Variants in ADRA1B observed in about 807,000 individuals in gnomAD.
ADRA1B encodes alpha-1B adrenergic receptor.
In ADRA1B, 17 loss-of-function variants were observed where a neutral mutation model predicts 17.9. The observed-to-expected ratio is 0.95, with a 90% CI of 0.65 to 1.42. The LOEUF is 1.42. Ranked by LOEUF, ADRA1B falls within the 40% of genes most tolerant of loss-of-function variation. The pLI is 0.00. For missense variants in ADRA1B, 681 were observed against 722.1 expected, an observed-to-expected ratio of 0.94 and a Z score of 0.65; for synonymous variants, 366 against 327.6, an observed-to-expected ratio of 1.12 and a Z score of -1.27.
Position 159,892,075 on chromosome 5 carries a change from A to G in ADRA1B, c.-255-24044A>G, listed in dbSNP as rs910532659. 8.5e-5 allele frequency among the ~76,000 whole-genome samples: 13 copies of G among 152,292 alleles called. No individual in the cohort carries two copies. The East Asian group carries it at 2.1e-3, about 25-fold the overall frequency. ...AACATGGTGAAACCCCACCTCTACT[A>G]AAAATACAAAAATTAGCTGGGCGTG... is the stretch of plus-strand genomic sequence containing the variant. On this transcript the variant is annotated intron_variant, in intron 1 of 2. Coordinates refer to the ADRA1B transcript ENST00000641205.
chr5:159,917,959 G>C lies in ADRA1B; in HGVS notation c.949+105G>C, dbSNP rs1299361071. 4 of 995,052 alleles carry C rather than the reference G, an allele frequency of 4.0e-6. No homozygotes were observed. The Admixed American group carries it at 9.4e-5, about 23-fold the overall frequency. 61.6% of individuals were successfully genotyped at this position (995,052 alleles called of 1,614,324 possible). A position where few individuals can be genotyped will look rare whatever the true frequency, so the allele number is the denominator to read the frequency against. On this transcript the variant is annotated intron_variant, in intron 1 of 1. Transcript: ENST00000306675. ...GTGGGTTTTGTTTCTTATGCAGTCT[G>C]TGCGTGTTCGGAGATTGAATAATAT... is the stretch of plus-strand genomic sequence containing the variant.
At chr5:159,888,895 C>A (rs902591183) in intron 1 of ADRA1B, among the ~76,000 whole-genome samples, 2 of 152,210 alleles carry the variant, frequency 1.3e-5, no homozygotes, top group Non-Finnish European at 1.5e-5. Flanking sequence ...TTACATGAAG[C>A]TATTACACTT....
At chr5:159,923,131 C>T (rs1754535630) in intron 1 of ADRA1B, among the ~76,000 whole-genome samples, 1 of 152,200 alleles carries the variant, frequency 6.6e-6, no homozygotes, top group African/African-American at 2.4e-5. Flanking sequence ...CTAACAGAGC[C>T]CAGAGAATTA....
intron 1 of ADRA1B, among the ~76,000 whole-genome samples, chr5:159,926,413 C>T (rs1754652171): frequency 6.6e-6 from 1 of 152,160 alleles, no homozygotes; most frequent in African/African-American, 2.4e-5. Flanking sequence ...GGCTGCAAAC[C>T]TTTGCAGGGT....
At chr5:159,963,156 C>T (rs1177523489) in intron 1 of ADRA1B, among the ~76,000 whole-genome samples, 2 of 150,604 alleles carry the variant, frequency 1.3e-5, no homozygotes, top group East Asian at 3.9e-4. Flanking sequence ...CCAAAAAGCA[C>T]AGAGAAGGAA....
chr5:159,942,902 T>C (rs994652969), intron 1 of ADRA1B, among the ~76,000 whole-genome samples: 16 of 152,244 alleles, frequency 1.1e-4, no homozygotes, highest in Non-Finnish European at 2.2e-4. Flanking sequence ...TATTCATTTA[T>C]TACATGTGTA....
At chr5:159,919,754 AAGG>A (rs1754427068) in intron 1 of ADRA1B, among the ~76,000 whole-genome samples, 1 of 152,338 alleles carries the variant, frequency 6.6e-6, no homozygotes, top group African/African-American at 2.4e-5. Flanking sequence ...CATGCTCAGG[AAGG>A]AGAAGGCCTC....
At chr5:159,953,321 G>A (rs1243101209) in intron 1 of ADRA1B, among the ~76,000 whole-genome samples, 3 of 152,104 alleles carry the variant, frequency 2.0e-5, no homozygotes, top group Non-Finnish European at 2.9e-5. Flanking sequence ...TCGTGCCACC[G>A]CACTCTAGCC....
intron 1 of ADRA1B, among the ~76,000 whole-genome samples, chr5:159,884,888 G>A (rs1338947872): frequency 6.6e-6 from 1 of 152,194 alleles, no homozygotes; most frequent in Non-Finnish European, 1.5e-5. Flanking sequence ...ATAATCAACT[G>A]TCTCCTCCGC....
At chr5:159,917,890 T>C in intron 1 of ADRA1B, 36 bp downstream of exon 1, 1 of 1,542,626 alleles carries the variant, frequency 6.5e-7, no homozygotes, top group East Asian at 2.2e-5. Context: ...GACTGGGCAT[T>C]TTTGGACCTT....
intron 1 of ADRA1B, among the ~76,000 whole-genome samples, chr5:159,881,143 C>T (rs950907370): frequency 2.9e-5 from 4 of 139,696 alleles, no homozygotes; most frequent in East Asian, 2.1e-4. Context: ...CACTGCAGTC[C>T]GCAGTCCGGC....
At chr5:159,971,511 A>G (rs1163334082) in intron 1 of ADRA1B, among the ~76,000 whole-genome samples, 4 of 152,222 alleles carry the variant, frequency 2.6e-5, no homozygotes, top group Admixed American at 6.5e-5. Flanking sequence ...AATATCGGGA[A>G]AGCACCTAGC....
chr5:159,911,800 G>T (rs1202244126), upstream of ADRA1B, among the ~76,000 whole-genome samples: 1 of 152,074 alleles, frequency 6.6e-6, no homozygotes, highest in African/African-American at 2.4e-5. Context: ...CCAGGGTACA[G>T]GTGGGGCAAA....
intron 1 of ADRA1B, among the ~76,000 whole-genome samples, chr5:159,900,037 A>C (rs569889561): frequency 1.3e-5 from 2 of 152,352 alleles, no homozygotes; most frequent in East Asian, 3.9e-4. Flanking sequence ...TTATCAACAC[A>C]GTAATTCTCA....
chr5:159,900,191 T>C (rs1754086685), intron 1 of ADRA1B, among the ~76,000 whole-genome samples: 1 of 152,220 alleles, frequency 6.6e-6, no homozygotes, highest in South Asian at 2.1e-4. Flanking sequence ...ACCCTTTTTT[T>C]CTGAAAGTTT....
intron 1 of ADRA1B, among the ~76,000 whole-genome samples, chr5:159,909,100 C>A (rs2113131616): frequency 6.6e-6 from 1 of 152,302 alleles, no homozygotes; most frequent in East Asian, 1.9e-4. Flanking sequence ...ACAGCAGAGA[C>A]ACACTGGGCA....
At chr5:159,880,818 C>A (rs566512978) in intron 1 of ADRA1B, among the ~76,000 whole-genome samples, 1 of 152,308 alleles carries the variant, frequency 6.6e-6, no homozygotes, top group South Asian at 2.1e-4. Flanking sequence ...CCATTCCACA[C>A]TTGAAATTAT....
chr5:159,930,056 T>C (rs1260202501), intron 1 of ADRA1B, among the ~76,000 whole-genome samples: 2 of 152,224 alleles, frequency 1.3e-5, no homozygotes, highest in African/African-American at 4.8e-5. Context: ...TCAGAATGCA[T>C]AGAGTTACTG....
chr5:159,919,853 G>A (rs539919297), intron 1 of ADRA1B, among the ~76,000 whole-genome samples: 1 of 152,142 alleles, frequency 6.6e-6, no homozygotes, highest in South Asian at 2.1e-4. Context: ...GAGGCTTCCA[G>A]CATATTCAAA....
Sources: gnomAD v4.1 joint callset for allele counts (sites outside exome capture counted in the v4.1 genomes callset) on GRCh38, gnomAD v4.1.1 for gene constraint, MANE v1.5 for transcripts, NCBI Gene and HGNC (gene_info 2026-07-23, HGNC 2026-07-21) for gene names.